NCOR1: variants seen among roughly 807,000 people sequenced by gnomAD.
The protein encoded by NCOR1 is protein phosphatase 1, regulatory subunit 109.
In NCOR1, 63 loss-of-function variants were observed where a neutral mutation model predicts 288.1. The ratio of observed to expected loss-of-function variants is 0.22; its 90% confidence interval spans 0.18 to 0.27. NCOR1 has a LOEUF of 0.27. Among genes scored for constraint, NCOR1 ranks in the 10% least tolerant of loss-of-function variants. NCOR1 has a pLI of 1.00. For synonymous variants in NCOR1, 1,007 were observed against 1,065.9 expected (o/e 0.94, Z 1.08); for missense variants, 2,397 against 3,019.2 (o/e 0.79, Z 4.83).
At chr17:16,167,267 A>C (rs1372638019) in intron 4 of NCOR1, among the ~76,000 whole-genome samples, 1 of 152,196 alleles carries the variant, frequency 6.6e-6, no homozygotes. Flanking sequence ...CTTACATAAC[A>C]GGAATAAGAT....
At chr17:16,179,670 C>G (rs2084963905) in intron 3 of NCOR1, among the ~76,000 whole-genome samples, 1 of 152,108 alleles carries the variant, frequency 6.6e-6, no homozygotes, top group African/African-American at 2.4e-5. Context: ...TCAAGGACAT[C>G]ACAAGAAAAC....
chr17:16,199,452 A>G (rs2090460089), intron 1 of NCOR1, among the ~76,000 whole-genome samples: 1 of 152,158 alleles, frequency 6.6e-6, no homozygotes, highest in Non-Finnish European at 1.5e-5. Context: ...TAAATGTACA[A>G]AAGATACAAT....
chr17:16,066,022 T>C, intron 32 of NCOR1: 1 of 355,882 alleles, frequency 2.8e-6, no homozygotes, highest in Non-Finnish European at 5.4e-6. Flanking sequence ...AAATTGTCTT[T>C]ATAGTACTGA....
chr17:16,033,866 C>T (rs558687253), intron 45 of NCOR1, among the ~76,000 whole-genome samples: 17 of 151,840 alleles, frequency 1.1e-4, no homozygotes, highest in Non-Finnish European at 1.9e-4. Flanking sequence ...AGTGCAGTGG[C>T]GCAATCTCAG....
chr17:16,157,042 AT>A (rs1348469168), intron 6 of NCOR1, among the ~76,000 whole-genome samples: 1 of 151,938 alleles, frequency 6.6e-6, no homozygotes, highest in Non-Finnish European at 1.5e-5. Context: ...ATTCCTATTT[AT>A]TTTATCCCTG....
intron 45 of NCOR1, among the ~76,000 whole-genome samples, chr17:16,033,397 C>G (rs1052204133): frequency 6.7e-6 from 1 of 149,162 alleles, no homozygotes; most frequent in African/African-American, 2.5e-5. Context: ...AATAATAAAT[C>G]TCATGTATGG....
At chr17:16,109,774 A>G (rs2069610409) in intron 18 of NCOR1, among the ~76,000 whole-genome samples, 1 of 151,778 alleles carries the variant, frequency 6.6e-6, no homozygotes, top group South Asian at 2.1e-4. Context: ...TTGCTCTGTC[A>G]CCCAGGCTGG....
chr17:16,086,357 GGGCGGT>G lies in NCOR1; in HGVS notation c.3096_3101del (p.Pro1034_Pro1035del). ...TGGTTTTGGATGACGGGATGAGAGGGGGCGGTGGCCTGGTTGGTCGAGTTGTCGGAA... is the reference window on the plus strand; with the variant it reads ...TGGTTTTGGATGACGGGATGAGAGGGGGCCTGGTTGGTCGAGTTGTCGGAA... On this transcript the variant is annotated inframe_deletion, in exon 23 of 46. Coordinates refer to ENST00000268712, the MANE Select transcript of NCOR1 (RefSeq NM_006311.4). 6.2e-7 allele frequency: 1 copy of G among 1,614,094 alleles called. No homozygotes were observed. The highest frequency in any genetic ancestry group is 8.5e-7 in the Non-Finnish European group (1 of 1,179,968).
In NCOR1 at chr17:16,127,371, ATG is replaced by A. The variant is rs1491563263; in HGVS notation, c.1510-1167_1510-1166del. Reference sequence around the variant, plus strand: ...TATATATGTATGTATATATACATGTATGTATATATGTATGTATATATACATGT... The same window carrying A: ...TATATATGTATGTATATATACATGTATATATATGTATGTATATATACATGT... On this transcript the variant is annotated intron_variant, in intron 14 of 45. Transcript: ENST00000268712. Among the ~76,000 whole-genome samples the A allele has an allele frequency of 1.0e-4, 8 of 78,798 alleles. 4 individuals carry two copies. Among genetic ancestry groups the A allele is most frequent in the African/African-American group, 2.1e-4 (4 of 19,302 alleles). The allele number at this position is 78,798 out of a possible 152,430, so 51.7% of individuals were successfully genotyped here.
In NCOR1 at chr17:16,052,189, TTTC is replaced by T. The variant is rs574857000; in HGVS notation, c.6393-3204_6393-3202del. ...CACCACGCCTGGCTAATTTTTTGTA[TTTC>T]TTTTTTTTTTTTTAGTAGAAATGGG... On this transcript the variant is annotated intron_variant, in intron 40 of 45. Coordinates refer to ENST00000268712, the MANE Select transcript of NCOR1 (RefSeq NM_006311.4). Among the ~76,000 whole-genome samples, 678 of 151,488 alleles carry T rather than the reference TTTC, an allele frequency of 4.5e-3. 8 individuals are homozygous for T. Among genetic ancestry groups the T allele is most frequent in the African/African-American group, 0.016 (649 of 41,376 alleles).
At chr17:16,179,957 C>CAAAAAAA (rs34531259) in intron 3 of NCOR1, among the ~76,000 whole-genome samples, 7 of 75,574 alleles carry the variant, frequency 9.3e-5, no homozygotes, top group Non-Finnish European at 1.2e-4. Context: ...GACTCTGTCT[C>CAAAAAAA]AAAAAAAAAA....
rs1597956793 is a variant in NCOR1 at position 16,056,266 on chromosome 17, G to C, written c.6392+1248C>G. ...TCTTCAGGTATTTGCCAGAATCTTT[G>C]ATCTGCCCATATCTCAGTCTTGTTC... On this transcript the variant is annotated intron_variant, in intron 40 of 45. Coordinates refer to ENST00000268712, the MANE Select transcript of NCOR1 (RefSeq NM_006311.4). Among the ~76,000 whole-genome samples the C allele has an allele frequency of 2.1e-5, 3 of 145,262 alleles. 1 individual carries two copies. In the South Asian group the frequency reaches 6.8e-4, roughly 33 times the overall value.
chr17:16,108,045 G>A (rs1335858874), intron 19 of NCOR1, among the ~76,000 whole-genome samples: 1 of 151,646 alleles, frequency 6.6e-6, no homozygotes, highest in Non-Finnish European at 1.5e-5. Flanking sequence ...TTAAACAAAA[G>A]TAATTGAAAA....
intron 11 of NCOR1, among the ~76,000 whole-genome samples, chr17:16,141,832 C>G (rs978211660): frequency 6.6e-5 from 10 of 152,148 alleles, no homozygotes; most frequent in African/African-American, 2.2e-4. Flanking sequence ...TGGAAAAGAA[C>G]ACACAGTTCC....
chr17:16,049,186 T>TA, intron 40 of NCOR1, 198 bp from the exon 41 acceptor site: 1 of 428,854 alleles, frequency 2.3e-6, no homozygotes, highest in Non-Finnish European at 4.0e-6. Flanking sequence ...ACCACTGTGT[T>TA]ACTGCCACTT....
At chr17:16,111,590 A>C (rs879676145) in intron 18 of NCOR1, among the ~76,000 whole-genome samples, 3 of 152,026 alleles carry the variant, frequency 2.0e-5, no homozygotes, top group South Asian at 2.1e-4. Flanking sequence ...TGACAGAGCG[A>C]AACTCCATCT....
intron 40 of NCOR1, among the ~76,000 whole-genome samples, chr17:16,049,651 C>T (rs2059078835): frequency 6.6e-6 from 1 of 151,212 alleles, no homozygotes; most frequent in Admixed American, 6.6e-5. Flanking sequence ...GTGTGATCAG[C>T]TCACTGCAAC....
intron 40 of NCOR1, 37 bp downstream of exon 40, chr17:16,057,477 T>C: frequency 6.3e-7 from 1 of 1,581,426 alleles, no homozygotes; most frequent in Admixed American, 1.7e-5. Flanking sequence ...GTTTTACTGT[T>C]GGGCAATTTA....
At chr17:16,064,003 T>C (rs1402404093) in intron 35 of NCOR1, 65 bp downstream of exon 35, 33 of 1,562,880 alleles carry the variant, frequency 2.1e-5, no homozygotes, top group Non-Finnish European at 2.8e-5. Flanking sequence ...TGCGCAGCAT[T>C]AAGCACAGTG....
Sources: gnomAD v4.1 joint callset for allele counts (sites outside exome capture counted in the v4.1 genomes callset) on GRCh38, gnomAD v4.1.1 for gene constraint, MANE v1.5 for transcripts, NCBI Gene and HGNC (gene_info 2026-07-23, HGNC 2026-07-21) for gene names.